DOCK3: variants seen among roughly 807,000 people sequenced by gnomAD.
The protein encoded by DOCK3 is dedicator of cytokinesis protein 3.
Under a neutral mutation model 265.6 loss-of-function variants are expected in DOCK3, and 60 were observed. The ratio of observed to expected loss-of-function variants is 0.23; its 90% CI spans 0.18 to 0.28. DOCK3 has a LOEUF of 0.28. Ranked by LOEUF, DOCK3 falls within the 10% of genes least tolerant of loss-of-function variation. The pLI, the probability that DOCK3 is intolerant of heterozygous loss-of-function variation, is 1.00. For synonymous variants in DOCK3, 881 were observed against 938.0 expected (o/e 0.94, Z 1.11); for missense variants, 1,981 against 2,594.3 (o/e 0.76, Z 5.14).
chr3:50,958,786 A>G lies in DOCK3; in HGVS notation c.315+24709A>G, dbSNP rs1209573603. Among the ~76,000 whole-genome samples the G allele has an allele frequency of 2.6e-5, 4 of 152,226 alleles. No homozygotes were observed. In the East Asian group the frequency reaches 5.8e-4, roughly 22 times the overall value. On this transcript the variant is annotated intron_variant, in intron 5 of 52. Coordinates refer to ENST00000266037, the MANE Select transcript of DOCK3 (RefSeq NM_004947.5). ...CACTTTCTATTGTGGGAAAACAAAT[A>G]CAAGAAATATATTTTAAAGAAAACT...
At chr3:51,128,344 A>G (rs1047681724) in intron 9 of DOCK3, among the ~76,000 whole-genome samples, 2 of 152,206 alleles carry the variant, frequency 1.3e-5, no homozygotes, top group Admixed American at 6.5e-5. Flanking sequence ...ACTTTGCCCC[A>G]GCCCTGCAAA....
intron 4 of DOCK3, among the ~76,000 whole-genome samples, chr3:50,927,059 A>G (rs2050793005): frequency 6.6e-6 from 1 of 152,172 alleles, no homozygotes; most frequent in Non-Finnish European, 1.5e-5. Flanking sequence ...TCACCCTGTA[A>G]CCTTCAGTGA....
At chr3:51,225,936 A>C (rs990831093) in intron 15 of DOCK3, among the ~76,000 whole-genome samples, 163 bp downstream of exon 15, 2 of 152,188 alleles carry the variant, frequency 1.3e-5, no homozygotes, top group Non-Finnish European at 2.9e-5. Context: ...GTGTGCTTTG[A>C]TAATGACTTC....
intron 5 of DOCK3, among the ~76,000 whole-genome samples, chr3:51,001,605 A>C (rs956192614): frequency 1.3e-5 from 2 of 152,212 alleles, no homozygotes; most frequent in Non-Finnish European, 2.9e-5. Flanking sequence ...GAATGCTAAC[A>C]ATCACAAATA....
At chr3:50,694,655 AC>A (rs1323293164) in intron 1 of DOCK3, among the ~76,000 whole-genome samples, 1 of 151,992 alleles carries the variant, frequency 6.6e-6, no homozygotes, top group African/African-American at 2.4e-5. Flanking sequence ...CTAAAAAAAT[AC>A]AAAAATTTGC....
chr3:51,317,310 T>C (rs746316668), intron 32 of DOCK3, among the ~76,000 whole-genome samples: 2 of 150,534 alleles, frequency 1.3e-5, no homozygotes, highest in South Asian at 4.2e-4. Flanking sequence ...AGGAGAAGCT[T>C]AAAAAAAAGA....
At chr3:51,101,266 G>A (rs928704736) in intron 9 of DOCK3, among the ~76,000 whole-genome samples, 1 of 151,870 alleles carries the variant, frequency 6.6e-6, no homozygotes, top group Non-Finnish European at 1.5e-5. Flanking sequence ...GACTACAGGC[G>A]CCCGCCACCG....
intron 1 of DOCK3, among the ~76,000 whole-genome samples, chr3:50,676,207 T>G (rs2033945428): frequency 6.6e-6 from 1 of 152,224 alleles, no homozygotes; most frequent in Non-Finnish European, 1.5e-5. Flanking sequence ...CATAGATTTT[T>G]GTTTCCCATC....
chr3:50,816,829 A>G (rs896749482), intron 2 of DOCK3, among the ~76,000 whole-genome samples: 6 of 147,408 alleles, frequency 4.1e-5, no homozygotes, highest in Non-Finnish European at 7.5e-5. Context: ...TTGAGATGGG[A>G]TCTCACCCGT....
chr3:50,782,436 G>A (rs978838932), intron 2 of DOCK3, among the ~76,000 whole-genome samples: 4 of 150,622 alleles, frequency 2.7e-5, no homozygotes, highest in East Asian at 3.9e-4. Context: ...GACTACAGGC[G>A]CCCGCTACCA....
intron 12 of DOCK3, among the ~76,000 whole-genome samples, chr3:51,163,031 A>G (rs2086212063): frequency 6.6e-6 from 1 of 152,224 alleles, no homozygotes; most frequent in African/African-American, 2.4e-5. Flanking sequence ...AGGATTAGTC[A>G]TTTTAATCCA....
intron 5 of DOCK3, 42 bp from the exon 6 acceptor site, chr3:51,064,406 A>C (rs1184959088): frequency 6.2e-7 from 1 of 1,605,312 alleles, no homozygotes. Flanking sequence ...TTCCTTTTCC[A>C]TGTCTCTTGT....
intron 2 of DOCK3, among the ~76,000 whole-genome samples, chr3:50,819,339 G>A (rs549551728): frequency 1.3e-5 from 2 of 152,236 alleles, no homozygotes; most frequent in South Asian, 4.2e-4. Context: ...TGGCTCTTCT[G>A]TAAGAACATT....
intron 5 of DOCK3, among the ~76,000 whole-genome samples, chr3:50,984,113 C>T (rs1455257793): frequency 3.9e-5 from 6 of 151,932 alleles, no homozygotes; most frequent in Admixed American, 3.9e-4. Flanking sequence ...CCTTACTTGC[C>T]CTTGGCAGGT....
intron 1 of DOCK3, among the ~76,000 whole-genome samples, chr3:50,735,894 C>T (rs1400272695): frequency 1.3e-5 from 2 of 152,068 alleles, no homozygotes; most frequent in African/African-American, 4.8e-5. Context: ...ATAGCAGGAG[C>T]AGGCATCTTT....
chr3:51,153,418 TC>T (rs2085705396), intron 10 of DOCK3, among the ~76,000 whole-genome samples: 1 of 152,148 alleles, frequency 6.6e-6, no homozygotes. Context: ...TGTCATGGCT[TC>T]CCTTGGCTAA....
intron 12 of DOCK3, among the ~76,000 whole-genome samples, chr3:51,166,044 A>G (rs982589608): frequency 4.7e-5 from 7 of 147,964 alleles, no homozygotes; most frequent in Non-Finnish European, 7.4e-5. Context: ...CTATATGTAT[A>G]TATATTCTTT....
At chr3:50,741,541 T>A (rs1304705114) in intron 1 of DOCK3, among the ~76,000 whole-genome samples, 9 of 149,522 alleles carry the variant, frequency 6.0e-5, no homozygotes, top group African/African-American at 1.5e-4. Context: ...TTTTTGTTCT[T>A]GCGATAGTTT....
At chr3:50,892,604 G>C (rs1213442235) in intron 4 of DOCK3, among the ~76,000 whole-genome samples, 1 of 152,096 alleles carries the variant, frequency 6.6e-6, no homozygotes, top group Non-Finnish European at 1.5e-5. Flanking sequence ...CTGCTTGAAT[G>C]ACCTCTTTCT....
Sources: allele counts gnomAD v4.1 joint callset (sites outside exome capture counted in the v4.1 genomes callset), GRCh38; gene constraint gnomAD v4.1.1; transcripts MANE v1.5; gene names NCBI Gene and HGNC (gene_info 2026-07-23, HGNC 2026-07-21).